The following OSBPL10 variants were observed in gnomAD, a reference collection of about 807,000 sequenced individuals.
OSBPL10 encodes the protein oxysterol-binding protein-related protein 10.
In OSBPL10, 49 loss-of-function variants were observed where a neutral mutation model predicts 81.7. The ratio of observed to expected loss-of-function variants is 0.60; its 90% confidence interval spans 0.48 to 0.76. The LOEUF (loss-of-function observed/expected upper bound fraction) is 0.76. OSBPL10 is among the 30% of genes least tolerant of loss of function. The probability of loss-of-function intolerance (pLI) is 0.00; values close to 1 mark genes in which losing one functional copy is unlikely to be tolerated. For missense variants in OSBPL10, 923 were observed against 987.8 expected (o/e 0.93, Z 0.88); for synonymous variants, 419 against 383.6 (o/e 1.09, Z -1.08).
intron 8 of OSBPL10, among the ~76,000 whole-genome samples, chr3:31,680,345 G>A (rs1700610042): frequency 6.6e-6 from 1 of 152,138 alleles, no homozygotes; most frequent in African/African-American, 2.4e-5. Flanking sequence ...CTGGGCTTGT[G>A]AACTCAGGGG....
At chr3:31,746,310 G>A (rs72859614) in intron 5 of OSBPL10, among the ~76,000 whole-genome samples, 1,568 of 152,262 alleles carry the variant, frequency 0.01, 24 homozygotes, top group African/African-American at 0.035. Context: ...GGCAATGTGC[G>A]TTGTCTGTCA....
In OSBPL10 at chr3:31,780,866, C is replaced by T. The variant is rs545697496; in HGVS notation, c.730-32746G>A. On this transcript the variant is annotated intron_variant, in intron 4 of 11. Transcript: ENST00000396556. ...AAAACAGTCTAGGACTAGGTGGATT[C>T]ACAACTGAATTCTATCTGGCATTCA... 7.5e-5 allele frequency among the ~76,000 whole-genome samples: 11 copies of T among 147,346 alleles called. No individual in the cohort carries two copies. In the East Asian group the frequency reaches 2.0e-3, roughly 27 times the overall value.
At chr3:32,050,580 G>A (rs1221657179) in intron 1 of OSBPL10, among the ~76,000 whole-genome samples, 1 of 152,066 alleles carries the variant, frequency 6.6e-6, no homozygotes, top group African/African-American at 2.4e-5. Context: ...TCACCTGGGA[G>A]ATTACTTTTG....
At chr3:31,958,047 GA>G (rs901143584) in intron 1 of OSBPL10, among the ~76,000 whole-genome samples, 6 of 152,150 alleles carry the variant, frequency 3.9e-5, no homozygotes, top group African/African-American at 1.4e-4. Flanking sequence ...TAAGAAGGAA[GA>G]AAAAAATTAA....
chr3:31,712,052 CCAA>C (rs1696272397), intron 6 of OSBPL10, among the ~76,000 whole-genome samples: 1 of 152,014 alleles, frequency 6.6e-6, no homozygotes, highest in African/African-American at 2.4e-5. Flanking sequence ...AGGGGACAGT[CCAA>C]CAGAAGAAAT....
chr3:31,914,032 C>T (rs1696673536), intron 1 of OSBPL10, among the ~76,000 whole-genome samples: 1 of 152,190 alleles, frequency 6.6e-6, no homozygotes, highest in African/African-American at 2.4e-5. Flanking sequence ...AAGTGATTCT[C>T]CTGTGTCAGC....
rs192038357 is a variant in OSBPL10, at chr3:31,802,714, G to A, written c.729+27326C>T. Among the ~76,000 whole-genome samples the A allele has an allele frequency of 5.3e-4, 80 of 152,160 alleles. 1 individual carries two copies. Among genetic ancestry groups the A allele is most frequent in the African/African-American group, 1.8e-3 (73 of 41,508 alleles). Reference sequence around the variant, plus strand: ...CCTAGCCTCACTTGCACTTAGAGGCGTGACCAAGCGGCCAAGTTCCTGCAA... The same window carrying A: ...CCTAGCCTCACTTGCACTTAGAGGCATGACCAAGCGGCCAAGTTCCTGCAA... On this transcript the variant is annotated intron_variant, in intron 4 of 11. Coordinates refer to ENST00000396556, the MANE Select transcript of OSBPL10 (RefSeq NM_017784.5).
chr3:32,000,815 C>T (rs1252399145), intron 2 of OSBPL10, among the ~76,000 whole-genome samples: 1 of 152,190 alleles, frequency 6.6e-6, no homozygotes, highest in Non-Finnish European at 1.5e-5. Flanking sequence ...TGACTCCGGC[C>T]ATGCGGTTCA....
At chr3:32,070,709 G>T (rs538400852) in intron 1 of OSBPL10, among the ~76,000 whole-genome samples, 1 of 152,330 alleles carries the variant, frequency 6.6e-6, no homozygotes, top group African/African-American at 2.4e-5. Context: ...TTACAGGTTA[G>T]TTCAGGATCT....
At chr3:31,866,556 A>G (rs761978471) in intron 3 of OSBPL10, among the ~76,000 whole-genome samples, 33 of 152,300 alleles carry the variant, frequency 2.2e-4, no homozygotes, top group Non-Finnish European at 3.4e-4. Flanking sequence ...TCACTGTCCA[A>G]TGCTCTAACA....
At chr3:31,902,980 G>C (rs1410580392) in intron 1 of OSBPL10, among the ~76,000 whole-genome samples, 1 of 152,138 alleles carries the variant, frequency 6.6e-6, no homozygotes, top group Non-Finnish European at 1.5e-5. Flanking sequence ...AAAGACAGAG[G>C]ATTTATTCAT....
intron 4 of OSBPL10, chr3:31,794,585 T>A: frequency 2.7e-6 from 1 of 364,344 alleles, no homozygotes; most frequent in South Asian, 3.0e-5. Flanking sequence ...CAGAGATGCC[T>A]GTACTGTGAC....
intron 2 of OSBPL10, chr3:31,991,135 A>G: frequency 2.6e-6 from 2 of 781,986 alleles, no homozygotes; most frequent in Non-Finnish European, 4.1e-6. Context: ...GCATTAATTG[A>G]CATTAAAGTG....
intron 6 of OSBPL10, among the ~76,000 whole-genome samples, chr3:31,706,428 A>T (rs1250881324): frequency 6.6e-6 from 1 of 152,180 alleles, no homozygotes; most frequent in Admixed American, 6.5e-5. Flanking sequence ...CTTGAGGACC[A>T]AAGGCTGAGA....
At chr3:31,792,963 T>A in intron 4 of OSBPL10, among the ~76,000 whole-genome samples, 1 of 151,810 alleles carries the variant, frequency 6.6e-6, no homozygotes, top group East Asian at 1.9e-4. Context: ...TACCAGGGTC[T>A]GACTTGGCCC....
chr3:32,058,220 AATAG>A (rs1276767149), intron 1 of OSBPL10, among the ~76,000 whole-genome samples: 2 of 152,254 alleles, frequency 1.3e-5, no homozygotes, highest in East Asian at 3.8e-4. Context: ...GCATTTGAAA[AATAG>A]ATAGAGGGAT....
chr3:31,685,461 C>T (rs542294830), intron 7 of OSBPL10, among the ~76,000 whole-genome samples: 2 of 152,282 alleles, frequency 1.3e-5, no homozygotes, highest in South Asian at 4.1e-4. Context: ...TCTTGGCCTC[C>T]CAAACAGTTA....
chr3:32,015,086 A>T (rs1438871034), intron 2 of OSBPL10, among the ~76,000 whole-genome samples: 2 of 152,232 alleles, frequency 1.3e-5, no homozygotes, highest in East Asian at 3.8e-4. Flanking sequence ...ACACAATTGG[A>T]AAAAACCACT....
intron 1 of OSBPL10, among the ~76,000 whole-genome samples, chr3:31,902,611 G>A (rs1399071201): frequency 6.6e-6 from 1 of 152,030 alleles, no homozygotes; most frequent in African/African-American, 2.4e-5. Context: ...CGCCCAGGCT[G>A]GAGTGCAGTG....
Sources: gnomAD v4.1 joint callset for allele counts (sites outside exome capture counted in the v4.1 genomes callset) on GRCh38, gnomAD v4.1.1 for gene constraint, MANE v1.5 for transcripts, NCBI Gene and HGNC (gene_info 2026-07-23, HGNC 2026-07-21) for gene names.